The following TMEM114 variants were observed in gnomAD, a reference collection of about 807,000 sequenced individuals.
The protein encoded by TMEM114 is claudin-26.
Under a neutral mutation model 6.2 loss-of-function variants are expected in TMEM114, and 6 were observed. The observed-to-expected ratio is 0.97, with a 90% CI of 0.53 to 1.91. TMEM114 has a LOEUF of 1.91. Among genes scored for constraint, TMEM114 ranks in the 40% most tolerant of loss-of-function variants. TMEM114 has a pLI of 0.01. For synonymous variants in TMEM114, 104 were observed against 73.0 expected (o/e 1.42, Z -2.16); for missense variants, 218 against 158.3 (o/e 1.38, Z -2.02).
chr16:8,543,638 C>T (rs554309437), intron 2 of TMEM114, among the ~76,000 whole-genome samples: 1 of 152,140 alleles, frequency 6.6e-6, no homozygotes, highest in Admixed American at 6.5e-5. Context: ...TTCTCAATGA[C>T]AGCCAAGGTT....
chr16:8,545,850 C>T (rs936696571), intron 2 of TMEM114, among the ~76,000 whole-genome samples: 7 of 152,204 alleles, frequency 4.6e-5, no homozygotes, highest in African/African-American at 1.4e-4. Flanking sequence ...CATGGTGGCT[C>T]ATGCCTGTAA....
At chr16:8,534,587 T>G (rs1446421057), downstream of TMEM114, among the ~76,000 whole-genome samples, 1 of 152,176 alleles carries the variant, frequency 6.6e-6, no homozygotes, top group Non-Finnish European at 1.5e-5. Flanking sequence ...AATGGGGTGG[T>G]ACATCAGATG....
chr16:8,589,853 C>T lies in TMEM114; in HGVS notation c.-15G>A, dbSNP rs1902432093. The T allele has an allele frequency of 2.5e-6, 1 of 397,430 alleles. No individual in the cohort carries two copies. Among genetic ancestry groups the T allele is most frequent in the Admixed American group, 4.4e-5 (1 of 22,682 alleles). The allele number at this position is 397,430 out of a possible 1,614,324, so 24.6% of individuals were successfully genotyped here. On this transcript the variant is annotated 5_prime_UTR_variant, in exon 1 of 4. Coordinates refer to ENST00000620492, the MANE Select transcript of TMEM114 (RefSeq NM_001146336.2). ...TGCACCCGCATCGCCGAGCCCAGGA[C>T]CAGCAGCCGCGGGTTCCAGTGGCCG...
chr16:8,552,902 G>A (rs1348839112), intron 2 of TMEM114, among the ~76,000 whole-genome samples: 2 of 152,038 alleles, frequency 1.3e-5, no homozygotes, highest in Non-Finnish European at 2.9e-5. Context: ...TTCTGAAGTC[G>A]TCTTTGATCA....
At chr16:8,557,393 C>T (rs1235147208) in intron 2 of TMEM114, among the ~76,000 whole-genome samples, 3 of 152,110 alleles carry the variant, frequency 2.0e-5, no homozygotes, top group African/African-American at 4.8e-5. Context: ...GGAAAGGCCC[C>T]GAGATGATGT....
chr16:8,567,833 C>T (rs779145512), downstream of TMEM114, among the ~76,000 whole-genome samples: 66 of 152,178 alleles, frequency 4.3e-4, no homozygotes, highest in Non-Finnish European at 7.3e-4. Flanking sequence ...AAGCAGAGAC[C>T]GCCCTTTCGG....
chr16:8,578,501 G>A (rs1189924712), intron 2 of TMEM114, among the ~76,000 whole-genome samples: 3 of 152,110 alleles, frequency 2.0e-5, no homozygotes, highest in African/African-American at 7.2e-5. Flanking sequence ...ATCTCATCTC[G>A]AGAGTCTGAA....
downstream of TMEM114, among the ~76,000 whole-genome samples, chr16:8,567,922 C>T (rs192325773): frequency 3.9e-5 from 6 of 152,288 alleles, no homozygotes; most frequent in Non-Finnish European, 5.9e-5. Context: ...CTCATTTAGC[C>T]CCATGTGGCC....
At chr16:8,567,111 G>T (rs532943580), downstream of TMEM114, among the ~76,000 whole-genome samples, 1 of 149,212 alleles carries the variant, frequency 6.7e-6, no homozygotes, top group African/African-American at 2.5e-5. Flanking sequence ...GTTTCACCAT[G>T]TTGGCCAGGC....
At chr16:8,564,361 G>A (rs368005585) in intron 2 of TMEM114, among the ~76,000 whole-genome samples, 25 of 148,138 alleles carry the variant, frequency 1.7e-4, no homozygotes, top group South Asian at 8.5e-4. Flanking sequence ...GAGTCAGTGA[G>A]TGAATGAGTC....
At chr16:8,527,057 A>C in the TMEM114 span, among the ~76,000 whole-genome samples, 1 of 152,112 alleles carries the variant, frequency 6.6e-6, no homozygotes, top group Non-Finnish European at 1.5e-5. Context: ...AACATAGCAA[A>C]ATTAGCCCAG....
chr16:8,536,176 G>A (rs1900353118), downstream of TMEM114, among the ~76,000 whole-genome samples: 1 of 149,820 alleles, frequency 6.7e-6, no homozygotes, highest in African/African-American at 2.5e-5. Flanking sequence ...AGTGAGCCGA[G>A]ATAGCACCAC....
chr16:8,532,124 C>G, the TMEM114 span: 4 of 152,158 alleles, frequency 2.6e-5, no homozygotes, highest in African/African-American at 7.2e-5. Flanking sequence ...GGGTTCAGCT[C>G]CAACACACCA....
downstream of TMEM114, among the ~76,000 whole-genome samples, chr16:8,567,753 C>A (rs1462536956): frequency 6.6e-6 from 1 of 152,166 alleles, no homozygotes; most frequent in Non-Finnish European, 1.5e-5. Flanking sequence ...GGGCTGAAAA[C>A]GTGTCTCTTG....
At chr16:8,565,278 G>C (rs1025054306), downstream of TMEM114, among the ~76,000 whole-genome samples, 1 of 152,200 alleles carries the variant, frequency 6.6e-6, no homozygotes, top group Admixed American at 6.5e-5. Context: ...AATGAACAAA[G>C]ACTGAATGCG....
At chr16:8,555,219 C>T (rs549354956) in intron 2 of TMEM114, among the ~76,000 whole-genome samples, 12 of 152,292 alleles carry the variant, frequency 7.9e-5, no homozygotes, top group Non-Finnish European at 1.6e-4. Flanking sequence ...ACTACTGATG[C>T]AGGGTAAGTT....
At position 8,572,095 on chromosome 16, in the gene TMEM114, A is replaced by T. The variant is rs559656286; in HGVS notation, c.431T>A (p.Leu144His). 4.5e-5 allele frequency: 70 copies of T among 1,548,198 alleles called. No homozygotes were observed. The East Asian group carries it at 1.7e-3, about 37-fold the overall frequency. ...GCAGGGTGGGCACCTACCTCCAAAG[A>T]GGAAGAGAATTCCAGTGAGCAGGAG... ...LLLLLTGILF[L>H]FGAMVTLAGI... The change falls in exon 3 of 4, where the codon CTC (leucine) becomes CAC (histidine). Residue 144 changes from leucine (L) to histidine (H), a missense_variant. Coordinates refer to ENST00000620492, the MANE Select transcript of TMEM114 (RefSeq NM_001146336.2).
chr16:8,530,162 T>A, the TMEM114 span, among the ~76,000 whole-genome samples: 1 of 152,214 alleles, frequency 6.6e-6, no homozygotes, highest in African/African-American at 2.4e-5. Flanking sequence ...CAATTTCTCA[T>A]CTCCTTCCCA....
At chr16:8,564,251 G>GAAATA (rs1901430613) in intron 2 of TMEM114, among the ~76,000 whole-genome samples, 11 of 11,820 alleles carry the variant, frequency 9.3e-4, no homozygotes, top group East Asian at 8.4e-3. Context: ...ATGAGTGAGT[G>GAAATA]AGTGAATGAG....
Sources: allele counts gnomAD v4.1 joint callset (sites outside exome capture counted in the v4.1 genomes callset), GRCh38; gene constraint gnomAD v4.1.1; transcripts MANE v1.5; gene names NCBI Gene and HGNC (gene_info 2026-07-23, HGNC 2026-07-21).